Variants in ARHGAP15 observed in about 807,000 individuals in gnomAD.
ARHGAP15 encodes Rho GTPase activating protein 15.
In ARHGAP15, 51 loss-of-function variants were observed where a neutral mutation model predicts 63.7. The observed-to-expected ratio is 0.80, with a 90% CI of 0.64 to 1.01. The LOEUF is 1.01. Among genes scored for constraint, ARHGAP15 ranks in the 50% least tolerant of loss-of-function variants. ARHGAP15 has a pLI of 0.00. For missense variants in ARHGAP15, 560 were observed against 564.6 expected, an observed-to-expected ratio of 0.99 and a Z score of 0.08; for synonymous variants, 191 against 193.8, an observed-to-expected ratio of 0.99 and a Z score of 0.12.
At chr2:143,590,294 G>A (rs193281252) in intron 11 of ARHGAP15, among the ~76,000 whole-genome samples, 77 of 152,224 alleles carry the variant, frequency 5.1e-4, no homozygotes, top group Non-Finnish European at 9.0e-4. Context: ...GAAACACTTA[G>A]CATACACTTT....
intron 5 of ARHGAP15, among the ~76,000 whole-genome samples, chr2:143,241,673 C>G (rs552116005): frequency 6.6e-6 from 1 of 152,306 alleles, no homozygotes; most frequent in South Asian, 2.1e-4. Flanking sequence ...ACACAAGGCA[C>G]TTGAAGAGGG....
intron 6 of ARHGAP15, among the ~76,000 whole-genome samples, chr2:143,351,835 A>G (rs1388238909): frequency 6.6e-6 from 1 of 152,174 alleles, no homozygotes; most frequent in Admixed American, 6.5e-5. Context: ...TAGGAATATG[A>G]TATTTCTCTC....
chr2:143,733,985 T>C (rs1249575927), intron 13 of ARHGAP15, among the ~76,000 whole-genome samples: 1 of 152,232 alleles, frequency 6.6e-6, no homozygotes, highest in Non-Finnish European at 1.5e-5. Flanking sequence ...ATTTCTCTTT[T>C]ATCTAAATTT....
chr2:143,387,746 T>TG (rs1218401898), intron 6 of ARHGAP15, among the ~76,000 whole-genome samples: 1 of 150,330 alleles, frequency 6.7e-6, no homozygotes, highest in African/African-American at 2.4e-5. Context: ...TTACAAAAAG[T>TG]GGGAAAAAAC....
At chr2:143,425,503 T>C (rs1257455405) in intron 6 of ARHGAP15, among the ~76,000 whole-genome samples, 1 of 152,006 alleles carries the variant, frequency 6.6e-6, no homozygotes, top group Non-Finnish European at 1.5e-5. Flanking sequence ...TATATGAACA[T>C]ATTACATGTA....
At chr2:143,162,353 G>A (rs1045636823) in intron 2 of ARHGAP15, 1 of 151,992 alleles carries the variant, frequency 6.6e-6, no homozygotes, top group Non-Finnish European at 1.5e-5. Flanking sequence ...AGAAAAGTGA[G>A]AAGTGACAGT....
intron 13 of ARHGAP15, among the ~76,000 whole-genome samples, chr2:143,764,536 A>G (rs564975354): frequency 3.8e-4 from 58 of 152,284 alleles, no homozygotes; most frequent in Non-Finnish European, 4.7e-4. Context: ...TAAATAGTCC[A>G]GCCCCGTTTC....
At chr2:143,160,419 C>A (rs987242970) in intron 2 of ARHGAP15, among the ~76,000 whole-genome samples, 1 of 151,918 alleles carries the variant, frequency 6.6e-6, no homozygotes, top group Admixed American at 6.6e-5. Context: ...TGGAGTGAGA[C>A]TCTCCAAAGA....
intron 6 of ARHGAP15, among the ~76,000 whole-genome samples, chr2:143,394,074 G>A (rs1687657067): frequency 6.6e-6 from 1 of 152,058 alleles, no homozygotes; most frequent in Non-Finnish European, 1.5e-5. Flanking sequence ...TTAATTATTG[G>A]TGCATATACA....
chr2:143,646,560 C>A (rs1420432869), intron 12 of ARHGAP15, among the ~76,000 whole-genome samples: 1 of 151,936 alleles, frequency 6.6e-6, no homozygotes, highest in Non-Finnish European at 1.5e-5. Context: ...CCTTAGAGAA[C>A]GGTTTGTGTT....
chr2:143,528,817 T>C (rs1439800657), intron 10 of ARHGAP15, among the ~76,000 whole-genome samples: 1 of 152,110 alleles, frequency 6.6e-6, no homozygotes, highest in African/African-American at 2.4e-5. Context: ...CTTCCTTTTG[T>C]CTTGAAGGTA....
intron 2 of ARHGAP15, among the ~76,000 whole-genome samples, chr2:143,163,950 G>A (rs1690399358): frequency 6.6e-6 from 1 of 152,072 alleles, no homozygotes; most frequent in South Asian, 2.1e-4. Context: ...CTCTTGCATG[G>A]CCTCTCCTAG....
intron 11 of ARHGAP15, among the ~76,000 whole-genome samples, chr2:143,569,764 G>C (rs1696378780): frequency 1.3e-5 from 2 of 152,150 alleles, no homozygotes; most frequent in Non-Finnish European, 2.9e-5. Flanking sequence ...TGAATTGTAG[G>C]GGGAAAGAGT....
intron 8 of ARHGAP15, among the ~76,000 whole-genome samples, chr2:143,440,036 T>C (rs1349046019): frequency 6.6e-6 from 1 of 152,144 alleles, no homozygotes; most frequent in Non-Finnish European, 1.5e-5. Flanking sequence ...TGTATAGTTG[T>C]AAGCCTTTTT....
At chr2:143,202,086 C>T (rs753302914) in intron 2 of ARHGAP15, 48 bp from the exon 3 acceptor site, 1 of 1,459,596 alleles carries the variant, frequency 6.9e-7, no homozygotes, top group Non-Finnish European at 9.6e-7. Context: ...TTACTAAACT[C>T]TATCAAGAAA....
At chr2:143,289,914 A>G (rs1287972777) in intron 6 of ARHGAP15, among the ~76,000 whole-genome samples, 1 of 152,198 alleles carries the variant, frequency 6.6e-6, no homozygotes, top group Non-Finnish European at 1.5e-5. Flanking sequence ...CTGATTCTTT[A>G]CAATAGTCAT....
chr2:143,541,471 G>A (rs992215203), intron 10 of ARHGAP15, among the ~76,000 whole-genome samples: 105 of 151,810 alleles, frequency 6.9e-4, no homozygotes, highest in Middle Eastern at 3.4e-3. Context: ...TAGAGTTTCC[G>A]GTTTTTCAGC....
intron 11 of ARHGAP15, among the ~76,000 whole-genome samples, chr2:143,560,830 A>G (rs1311608849): frequency 6.6e-6 from 1 of 152,240 alleles, no homozygotes; most frequent in African/African-American, 2.4e-5. Flanking sequence ...CCTTTGGGAA[A>G]GGGATCGAGG....
At chr2:143,608,064 C>T (rs1476785402) in intron 11 of ARHGAP15, 8 of 152,182 alleles carry the variant, frequency 5.3e-5, no homozygotes, top group Non-Finnish European at 1.2e-4. Context: ...ACCTTTCCCC[C>T]TCCCTTCTTA....
Sources: allele counts gnomAD v4.1 joint callset (sites outside exome capture counted in the v4.1 genomes callset), GRCh38; gene constraint gnomAD v4.1.1; transcripts MANE v1.5; gene names NCBI Gene and HGNC (gene_info 2026-07-23, HGNC 2026-07-21).